Variants in TIMM17A observed in about 807,000 individuals in gnomAD.
TIMM17A encodes translocase of inner mitochondrial membrane 17A.
In TIMM17A, 15 loss-of-function variants were observed where a neutral mutation model predicts 26.5. That is an observed-to-expected ratio of 0.57 (90% CI 0.38 to 0.87). The LOEUF (loss-of-function observed/expected upper bound fraction) is 0.87, where lower values mean the gene tolerates loss of function less well. TIMM17A is among the 40% of genes least tolerant of loss of function. The probability of loss-of-function intolerance (pLI) is 0.00; values close to 1 mark genes in which losing one functional copy is unlikely to be tolerated. For missense variants in TIMM17A, 201 were observed against 210.0 expected, an observed-to-expected ratio of 0.96 and a Z score of 0.27; for synonymous variants, 80 against 70.8, an observed-to-expected ratio of 1.13 and a Z score of -0.66.
At chr1:201,960,375 G>A (rs1682503346) in intron 3 of TIMM17A, among the ~76,000 whole-genome samples, 2 of 152,020 alleles carry the variant, frequency 1.3e-5, no homozygotes, top group Non-Finnish European at 1.5e-5. Context: ...ACTCTAGCCT[G>A]GGCAACAGAG....
chr1:201,964,635 C>CTTTTTTTTTTTT lies in TIMM17A; in HGVS notation c.320-778_320-767dup, dbSNP rs570309464. On this transcript the variant is annotated intron_variant, in intron 4 of 5. Coordinates refer to ENST00000367287, the MANE Select transcript of TIMM17A (RefSeq NM_006335.3). ...TTTATTTATTTATTTTATTTTATTT[C>CTTTTTTTTTTTT]TTTTTTTTTTTTTTTTTTTTTTTTT... is the stretch of plus-strand genomic sequence containing the variant. 3.4e-4 allele frequency among the ~76,000 whole-genome samples: 31 copies of CTTTTTTTTTTTT among 90,956 alleles called. 4 individuals are homozygous for CTTTTTTTTTTTT. The highest frequency in any genetic ancestry group is 4.6e-4 in the African/African-American group (9 of 19,468). 59.7% of individuals were successfully genotyped at this position (90,956 alleles called of 152,430 possible). A position where few individuals can be genotyped will look rare whatever the true frequency, so the allele number is the denominator to read the frequency against.
At chr1:201,958,510 C>T (rs553762708) in intron 3 of TIMM17A, among the ~76,000 whole-genome samples, 2 of 152,368 alleles carry the variant, frequency 1.3e-5, no homozygotes, top group Non-Finnish European at 2.9e-5. Context: ...CGAGACCAGC[C>T]TGGGCAGCAT....
intron 5 of TIMM17A, among the ~76,000 whole-genome samples, chr1:201,968,274 T>C (rs529703951): frequency 3.3e-5 from 5 of 152,094 alleles, no homozygotes; most frequent in African/African-American, 1.2e-4. Flanking sequence ...GTGCTGGGAA[T>C]GTGAGCCATC....
At chr1:201,965,118 A>AT (rs1248027805) in intron 4 of TIMM17A, among the ~76,000 whole-genome samples, 1 of 148,368 alleles carries the variant, frequency 6.7e-6, no homozygotes, top group Non-Finnish European at 1.5e-5. Context: ...CGTCAAGCTA[A>AT]TTTTTGTATT....
At chr1:201,955,814 T>C (rs75806284) in intron 1 of TIMM17A, among the ~76,000 whole-genome samples, 2,307 of 152,320 alleles carry the variant, frequency 0.015, 69 homozygotes, top group African/African-American at 0.052. Flanking sequence ...AGACTTGAGT[T>C]TGATAGAACC....
Position 201,965,509 on chromosome 1 carries a change from G to T in TIMM17A, c.396G>T (p.Leu132Phe). 1 of 1,614,140 alleles carries T rather than the reference G, an allele frequency of 6.2e-7. No homozygotes were observed. Among genetic ancestry groups the T allele is most frequent in the Non-Finnish European group, 8.5e-7 (1 of 1,179,972 alleles). Residue 132 changes from leucine to phenylalanine, a missense_variant, in exon 5 of 6, where the codon TTG (leucine) becomes TTT (phenylalanine). Coordinates refer to ENST00000367287, the MANE Select transcript of TIMM17A (RefSeq NM_006335.3). ...CTTTAATTGAAGGAGCTGGTATCTT[G>T]TTGACAAGATTTGCCTCTGCACAGT... is the stretch of plus-strand genomic sequence containing the variant. The part of the protein sequence containing the change: ...LLALIEGAGI[L>F]LTRFASAQFP...
In TIMM17A at chr1:201,965,440, A is replaced by G. The variant is rs1682610914; in HGVS notation, c.327A>G (p.Pro109=). The change falls in exon 5 of 6, where the codon CCA becomes CCG. Residue 109 remains proline, a synonymous_variant. Coordinates refer to ENST00000367287, the MANE Select transcript of TIMM17A (RefSeq NM_006335.3). ...TGTTATTAATGTCTTCAGATGGACC[A>G]GTGGCCATGGTTGGGTCAGCCGCAA... is the stretch of plus-strand genomic sequence containing the variant. ...TGAILAARNG[P]VAMVGSAAMG... The G allele has an allele frequency of 6.2e-7, 1 of 1,606,594 alleles. No individual in the cohort carries two copies. The highest frequency in any genetic ancestry group is 1.3e-5 in the African/African-American group (1 of 74,808).
At chr1:201,962,999 AC>A (rs1234228000) in intron 3 of TIMM17A, 1 of 152,254 alleles carries the variant, frequency 6.6e-6, no homozygotes, top group Non-Finnish European at 1.5e-5. Context: ...TGCTGCTTAA[AC>A]CAGAGAGATA....
intron 3 of TIMM17A, among the ~76,000 whole-genome samples, chr1:201,959,999 A>T (rs968004424): frequency 1.3e-5 from 2 of 150,192 alleles, no homozygotes; most frequent in Non-Finnish European, 3.0e-5. Flanking sequence ...ACTCTGTCTC[A>T]AAATAAATAA....
At chr1:201,956,927 G>A (rs2102940643) in intron 1 of TIMM17A, among the ~76,000 whole-genome samples, 1 of 149,132 alleles carries the variant, frequency 6.7e-6, no homozygotes, top group South Asian at 2.1e-4. Context: ...TTGCACTCCA[G>A]CCTGGGTGAC....
At position 201,969,830 on chromosome 1, in the gene TIMM17A, A is replaced by T; in HGVS notation, c.*276A>T. ...ACAGTAAGTGCTTGAAAGATGAAGG[A>T]CCAAAAGGCCAAAAAACAGTGAAAT... On this transcript the variant is annotated 3_prime_UTR_variant, in exon 6 of 6. Transcript: ENST00000367287. 1 of 244,390 alleles carries T rather than the reference A, an allele frequency of 4.1e-6. No homozygotes were observed. The highest frequency in any genetic ancestry group is 7.9e-6 in the Non-Finnish European group (1 of 127,174). 15.1% of individuals were successfully genotyped at this position (244,390 alleles called of 1,614,324 possible). A position where few individuals can be genotyped will look rare whatever the true frequency, so the allele number is the denominator to read the frequency against.
chr1:201,968,015 G>A (rs1682666478), intron 5 of TIMM17A, among the ~76,000 whole-genome samples: 1 of 149,788 alleles, frequency 6.7e-6, no homozygotes, highest in Non-Finnish European at 1.5e-5. Flanking sequence ...TTTTGTTTTT[G>A]AGACAGAGTC....
At chr1:201,957,724 G>T in intron 3 of TIMM17A, 150 bp downstream of exon 3, 1 of 587,876 alleles carries the variant, frequency 1.7e-6, no homozygotes, top group Non-Finnish European at 2.8e-6. Flanking sequence ...TTCTTGATTT[G>T]TAGTTTGTTT....
At chr1:201,956,613 T>G (rs1356581503) in intron 1 of TIMM17A, among the ~76,000 whole-genome samples, 2 of 152,252 alleles carry the variant, frequency 1.3e-5, no homozygotes, top group African/African-American at 4.8e-5. Context: ...TGATGTACTA[T>G]AATGACACAG....
chr1:201,962,695 T>C (rs1682555128), intron 3 of TIMM17A: 1 of 152,196 alleles, frequency 6.6e-6, no homozygotes, highest in African/African-American at 2.4e-5. Flanking sequence ...ATCTGCTGAT[T>C]TAAGGTTGTT....
In TIMM17A at chr1:201,969,557, C is replaced by G. The variant is rs577991586; in HGVS notation, c.*3C>G. ...GAGACTATCGACAATATCAGTAGGA[C>G]TTCTTTCCTAGGATTTCTTTAACAG... is the stretch of plus-strand genomic sequence containing the variant. On this transcript the variant is annotated 3_prime_UTR_variant, in exon 6 of 6. Coordinates refer to ENST00000367287, the MANE Select transcript of TIMM17A (RefSeq NM_006335.3). The G allele has an allele frequency of 8.1e-6, 13 of 1,608,826 alleles. No homozygotes were observed. In the East Asian group the frequency reaches 1.6e-4, roughly 19 times the overall value.
At chr1:201,958,432 A>G (rs1050061347) in intron 3 of TIMM17A, among the ~76,000 whole-genome samples, 3 of 152,232 alleles carry the variant, frequency 2.0e-5, no homozygotes, top group Admixed American at 6.5e-5. Flanking sequence ...GTTGGGCGCA[A>G]TGGCTCACGC....
Position 201,969,935 on chromosome 1 carries a change from T to TA in TIMM17A, c.*382dup, listed in dbSNP as rs1388741566. On this transcript the variant is annotated 3_prime_UTR_variant, in exon 6 of 6. Coordinates refer to ENST00000367287, the MANE Select transcript of TIMM17A (RefSeq NM_006335.3). Reference sequence around the variant, plus strand: ...CAAACAATAAAAAGCTGGTGGAACTTACTCTTTCTTTTAAGATAAGTTGTA... The same window carrying TA: ...CAAACAATAAAAAGCTGGTGGAACTTAACTCTTTCTTTTAAGATAAGTTGTA... 1 of 164,176 alleles carries TA rather than the reference T, an allele frequency of 6.1e-6. No individual in the cohort carries two copies. The highest frequency in any genetic ancestry group is 1.3e-5 in the Non-Finnish European group (1 of 75,674). The allele number at this position is 164,176 out of a possible 1,614,324, so 10.2% of individuals were successfully genotyped here. A position where few individuals can be genotyped will look rare whatever the true frequency, so the allele number is the denominator to read the frequency against.
At chr1:201,967,015 G>GTGTGTGTATATA (rs59893489) in intron 5 of TIMM17A, among the ~76,000 whole-genome samples, 27 of 118,836 alleles carry the variant, frequency 2.3e-4, no homozygotes, top group Non-Finnish European at 4.4e-4. Context: ...GTGTGTGTGT[G>GTGTGTGTATATA]TATATATATA....
Sources: gnomAD v4.1 joint callset for allele counts (sites outside exome capture counted in the v4.1 genomes callset) on GRCh38, gnomAD v4.1.1 for gene constraint, MANE v1.5 for transcripts, NCBI Gene and HGNC (gene_info 2026-07-23, HGNC 2026-07-21) for gene names.